The following PTPRD variants were observed in gnomAD, a reference collection of about 807,000 sequenced individuals.
PTPRD encodes receptor-type tyrosine-protein phosphatase delta.
PTPRD carries 34 observed loss-of-function variants against 214.5 expected under a neutral mutation model. That is an observed-to-expected ratio of 0.16 (90% CI 0.12 to 0.21). The LOEUF (loss-of-function observed/expected upper bound fraction) is 0.21. Among genes scored for constraint, PTPRD ranks in the 10% least tolerant of loss-of-function variants. The probability of loss-of-function intolerance (pLI) is 1.00; values close to 1 mark genes in which losing one functional copy is unlikely to be tolerated. For missense variants in PTPRD, 2,545 were observed against 2,398.7 expected, an observed-to-expected ratio of 1.06 and a Z score of -1.27; for synonymous variants, 1,128 against 845.7, an observed-to-expected ratio of 1.33 and a Z score of -5.79.
At chr9:8,648,314 C>T (rs2096736347) in intron 12 of PTPRD, among the ~76,000 whole-genome samples, 2 of 152,084 alleles carry the variant, frequency 1.3e-5, no homozygotes, top group Admixed American at 6.5e-5. Context: ...TCTGTGTGCC[C>T]GGGCAATAAA....
At chr9:8,345,897 A>G (rs1250585900) in intron 39 of PTPRD, among the ~76,000 whole-genome samples, 1 of 151,972 alleles carries the variant, frequency 6.6e-6, no homozygotes, top group East Asian at 1.9e-4. Flanking sequence ...CGGATTACAT[A>G]TCTCTGCCAG....
chr9:8,769,891 C>A (rs888590809), intron 11 of PTPRD, among the ~76,000 whole-genome samples: 4 of 151,752 alleles, frequency 2.6e-5, no homozygotes, highest in African/African-American at 9.7e-5. Flanking sequence ...GGTAGATACA[C>A]AATGGGTTTA....
At chr9:8,590,278 C>T (rs1342677516) in intron 14 of PTPRD, among the ~76,000 whole-genome samples, 2 of 152,006 alleles carry the variant, frequency 1.3e-5, no homozygotes, top group Non-Finnish European at 2.9e-5. Flanking sequence ...AAGAGCTCTG[C>T]GGAGGTAATA....
At chr9:8,354,024 T>C (rs2076350063) in intron 39 of PTPRD, among the ~76,000 whole-genome samples, 1 of 147,004 alleles carries the variant, frequency 6.8e-6, no homozygotes, top group Admixed American at 6.8e-5. Context: ...AGTGGTGCGA[T>C]CTCAGCTCAC....
At chr9:8,450,140 T>C (rs1004787906) in intron 33 of PTPRD, among the ~76,000 whole-genome samples, 6 of 152,158 alleles carry the variant, frequency 3.9e-5, no homozygotes, top group African/African-American at 1.4e-4. Flanking sequence ...TGGACCCTTA[T>C]TGAGCAATTC....
intron 5 of PTPRD, among the ~76,000 whole-genome samples, chr9:9,804,059 A>AT (rs1238230374): frequency 2.0e-5 from 3 of 151,832 alleles, no homozygotes; most frequent in Middle Eastern, 3.4e-3. Context: ...TGTGTGAGTT[A>AT]TTTTTTTTCT....
At chr9:9,023,711 C>T (rs938434016) in intron 10 of PTPRD, among the ~76,000 whole-genome samples, 2 of 151,866 alleles carry the variant, frequency 1.3e-5, no homozygotes. Flanking sequence ...ATGTTCATGT[C>T]CATGTGTGCT....
At chr9:10,364,286 C>T (rs954261751) in intron 2 of PTPRD, among the ~76,000 whole-genome samples, 2 of 152,046 alleles carry the variant, frequency 1.3e-5, no homozygotes, top group East Asian at 1.9e-4. Flanking sequence ...CAGGCATGAG[C>T]CACCACTCCC....
intron 39 of PTPRD, among the ~76,000 whole-genome samples, chr9:8,373,912 A>G (rs1012524220): frequency 8.1e-5 from 7 of 86,504 alleles, no homozygotes; most frequent in African/African-American, 2.5e-4. Context: ...CTATCTATCT[A>G]TCTACCTACC....
chr9:10,219,832 T>C (rs1023711598), intron 3 of PTPRD, among the ~76,000 whole-genome samples: 4 of 151,766 alleles, frequency 2.6e-5, no homozygotes, highest in Non-Finnish European at 5.9e-5. Context: ...TTTGTGGCTG[T>C]TAGCCACACA....
At chr9:8,680,683 A>AACAC (rs1209410900) in intron 12 of PTPRD, among the ~76,000 whole-genome samples, 1 of 152,064 alleles carries the variant, frequency 6.6e-6, no homozygotes, top group African/African-American at 2.4e-5. Flanking sequence ...TAAATACATA[A>AACAC]ACACACATAC....
At chr9:8,832,261 C>A (rs1051862491) in intron 11 of PTPRD, among the ~76,000 whole-genome samples, 1 of 151,976 alleles carries the variant, frequency 6.6e-6, no homozygotes, top group Middle Eastern at 3.4e-3. Flanking sequence ...CTGGTCTCAA[C>A]CTTTAATTTA....
chr9:9,822,926 A>G (rs1406344684), intron 5 of PTPRD, among the ~76,000 whole-genome samples: 1 of 152,154 alleles, frequency 6.6e-6, no homozygotes, highest in Non-Finnish European at 1.5e-5. Flanking sequence ...AGAAAAGTTA[A>G]AAATAGTACT....
intron 6 of PTPRD, among the ~76,000 whole-genome samples, chr9:9,747,955 A>G (rs562920102): frequency 9.8e-5 from 15 of 152,306 alleles, no homozygotes; most frequent in African/African-American, 3.6e-4. Context: ...ATTTCCTCTG[A>G]GTCACTGTCC....
intron 10 of PTPRD, among the ~76,000 whole-genome samples, chr9:9,048,010 C>CA (rs1194348484): frequency 6.6e-6 from 1 of 152,062 alleles, no homozygotes; most frequent in Non-Finnish European, 1.5e-5. Context: ...AGACATTTCT[C>CA]AAAAAATGCA....
chr9:8,542,569 A>T (rs13298042), intron 14 of PTPRD, among the ~76,000 whole-genome samples: 26,157 of 152,192 alleles, frequency 0.17, 2,659 homozygotes, highest in African/African-American at 0.29. Context: ...TTGGGAAGCA[A>T]TGTCATGTAT....
At chr9:9,152,128 T>C (rs1296003446) in intron 10 of PTPRD, among the ~76,000 whole-genome samples, 2 of 152,236 alleles carry the variant, frequency 1.3e-5, no homozygotes, top group African/African-American at 4.8e-5. Context: ...AATGAAGAGC[T>C]GGTCACTGGT....
intron 9 of PTPRD, among the ~76,000 whole-genome samples, chr9:9,304,870 C>T (rs958845769): frequency 4.7e-5 from 7 of 150,034 alleles, no homozygotes; most frequent in African/African-American, 1.7e-4. Flanking sequence ...CAAGGCCCTT[C>T]TCAATAATCT....
At position 8,925,391 on chromosome 9, in the gene PTPRD, A is replaced by G. The variant is rs1292525046; in HGVS notation, c.-104+93306T>C. 3.9e-5 allele frequency among the ~76,000 whole-genome samples: 6 copies of G among 152,132 alleles called. No homozygotes were observed. The East Asian group carries it at 1.2e-3, about 29-fold the overall frequency. On this transcript the variant is annotated intron_variant, in intron 11 of 45. Coordinates refer to ENST00000381196, the MANE Select transcript of PTPRD (RefSeq NM_002839.4). ...CCCAGGTTTAAAATAATGCAACTCTAAGAAAGGTGAAAAATGTCAAAAGCA... is the reference window on the plus strand; with the variant it reads ...CCCAGGTTTAAAATAATGCAACTCTGAGAAAGGTGAAAAATGTCAAAAGCA...
Sources: gnomAD v4.1 joint callset for allele counts (sites outside exome capture counted in the v4.1 genomes callset) on GRCh38, gnomAD v4.1.1 for gene constraint, MANE v1.5 for transcripts, NCBI Gene and HGNC (gene_info 2026-07-23, HGNC 2026-07-21) for gene names.